Variants in KCNIP4 observed in about 807,000 individuals in gnomAD.
KCNIP4 encodes Kv channel-interacting protein 4.
KCNIP4 carries 12 observed loss-of-function variants against 34.0 expected under a neutral mutation model. The ratio of observed to expected loss-of-function variants is 0.35; its 90% CI spans 0.23 to 0.57. The LOEUF (loss-of-function observed/expected upper bound fraction) is 0.57, where lower values mean the gene tolerates loss of function less well. Ranked by LOEUF, KCNIP4 falls within the 20% of genes least tolerant of loss-of-function variation. The pLI is 0.83. For missense variants in KCNIP4, 238 were observed against 311.7 expected (o/e 0.76, Z 1.78); for synonymous variants, 124 against 102.2 (o/e 1.21, Z -1.29).
Position 21,371,940 on chromosome 4 carries a change from T to TACAC in KCNIP4, c.62-489235_62-489232dup, listed in dbSNP as rs572255029. 3.4e-5 allele frequency among the ~76,000 whole-genome samples: 5 copies of TACAC among 145,664 alleles called. 1 individual carries two copies. In the Middle Eastern group the frequency reaches 0.01, roughly 297 times the overall value. On this transcript the variant is annotated intron_variant, in intron 1 of 8. Coordinates refer to ENST00000382152, the MANE Select transcript of KCNIP4 (RefSeq NM_025221.6). ...GGAAATAGGATATTTATGAGTAGCTTACACACACACACACACAAACACATA... is the reference window on the plus strand; with the variant it reads ...GGAAATAGGATATTTATGAGTAGCTTACACACACACACACACACACAAACACATA...
At chr4:21,729,707 AAATTTT>A (rs1560671159) in intron 1 of KCNIP4, 1 of 151,730 alleles carries the variant, frequency 6.6e-6, no homozygotes, top group Non-Finnish European at 1.5e-5. Flanking sequence ...AGAACTCTGC[AAATTTT>A]AATTTTAATC....
At chr4:20,772,624 C>A (rs1399134235) in intron 3 of KCNIP4, among the ~76,000 whole-genome samples, 1 of 124,916 alleles carries the variant, frequency 8.0e-6, no homozygotes, top group Non-Finnish European at 1.8e-5. Context: ...ACATTTTGTT[C>A]CCTTTCTCTC....
At chr4:21,809,118 T>G (rs971629441) in intron 1 of KCNIP4, among the ~76,000 whole-genome samples, 22 of 148,354 alleles carry the variant, frequency 1.5e-4, no homozygotes, top group Admixed American at 1.4e-3. Context: ...TCTGTGAGGG[T>G]GTTTCCAGAA....
Position 20,744,217 on chromosome 4 carries a change from T to C in KCNIP4, c.429+5445A>G, listed in dbSNP as rs184209443. 2.3e-3 allele frequency among the ~76,000 whole-genome samples: 354 copies of C among 152,318 alleles called. 8 individuals carry two copies. The South Asian group carries it at 0.046, about 20-fold the overall frequency. ...GAAGACTGGTGACTCCTCAAGGAGC[T>C]AGAACTAGAAATACCATTTGACCCA... On this transcript the variant is annotated intron_variant, in intron 5 of 8. Transcript: ENST00000382152.
chr4:20,794,289 G>A (rs956074257), intron 3 of KCNIP4, among the ~76,000 whole-genome samples: 1 of 152,156 alleles, frequency 6.6e-6, no homozygotes, highest in African/African-American at 2.4e-5. Flanking sequence ...TTTGATAGGA[G>A]TCGGAGCTCA....
intron 1 of KCNIP4, among the ~76,000 whole-genome samples, chr4:21,820,215 G>A (rs1279936923): frequency 6.8e-6 from 1 of 146,176 alleles, no homozygotes; most frequent in African/African-American, 2.6e-5. Context: ...ACAATATACA[G>A]TATAATAAAT....
rs745606521 is a variant in KCNIP4 at position 21,332,877 on chromosome 4, A to G, written c.62-450168T>C. Among the ~76,000 whole-genome samples, 155 of 152,172 alleles carry G rather than the reference A, an allele frequency of 1.0e-3. 2 individuals carry two copies. The highest frequency in any genetic ancestry group is 1.9e-4 in the Non-Finnish European group (13 of 67,946). On this transcript the variant is annotated intron_variant, in intron 1 of 8. Transcript: ENST00000382152. The stretch of plus-strand genomic sequence containing the variant: ...CAATTTTATTTAGAATAAAATTTCA[A>G]ATTCTTTTTATGGTTTATCAAGTAT...
At chr4:20,970,327 T>A (rs1560610846) in intron 1 of KCNIP4, among the ~76,000 whole-genome samples, 1 of 152,198 alleles carries the variant, frequency 6.6e-6, no homozygotes, top group Non-Finnish European at 1.5e-5. Context: ...AATGATTGTT[T>A]ATTACCTTTG....
chr4:21,928,410 A>G (rs1372435364), intron 1 of KCNIP4, among the ~76,000 whole-genome samples: 1 of 152,170 alleles, frequency 6.6e-6, no homozygotes, highest in Non-Finnish European at 1.5e-5. Context: ...CATACCCAGC[A>G]TATCTTTAAT....
chr4:21,337,865 T>C (rs1437666532), intron 1 of KCNIP4, among the ~76,000 whole-genome samples: 1 of 152,150 alleles, frequency 6.6e-6, no homozygotes, highest in Non-Finnish European at 1.5e-5. Flanking sequence ...AGCATTAGGA[T>C]TGCGTTTGGC....
At chr4:21,292,290 C>T (rs1374496123) in intron 1 of KCNIP4, among the ~76,000 whole-genome samples, 3 of 152,128 alleles carry the variant, frequency 2.0e-5, no homozygotes, top group Admixed American at 1.3e-4. Context: ...CCATACCCTT[C>T]CTACCTTGTT....
intron 5 of KCNIP4, among the ~76,000 whole-genome samples, chr4:20,739,152 T>G (rs1750437836): frequency 6.6e-6 from 1 of 152,180 alleles, no homozygotes; most frequent in African/African-American, 2.4e-5. Flanking sequence ...ATGCCACCTC[T>G]GGGGGCAGGT....
At chr4:21,605,185 G>A (rs1232047240) in intron 1 of KCNIP4, among the ~76,000 whole-genome samples, 2 of 152,186 alleles carry the variant, frequency 1.3e-5, no homozygotes, top group African/African-American at 2.4e-5. Context: ...TGTTCCAAGG[G>A]ACAATGCCAT....
chr4:21,324,380 A>G (rs80030494), intron 1 of KCNIP4, among the ~76,000 whole-genome samples: 2,194 of 152,062 alleles, frequency 0.014, 53 homozygotes, highest in African/African-American at 0.051. Flanking sequence ...CAAAGTTTGA[A>G]GTCTCAGATT....
intron 1 of KCNIP4, among the ~76,000 whole-genome samples, chr4:21,776,163 C>A (rs773861994): frequency 1.3e-5 from 2 of 152,214 alleles, no homozygotes; most frequent in African/African-American, 2.4e-5. Context: ...CACTCACCAC[C>A]TCCCTTGGCT....
chr4:20,782,270 T>C (rs1269177946), intron 3 of KCNIP4, among the ~76,000 whole-genome samples: 1 of 151,998 alleles, frequency 6.6e-6, no homozygotes, highest in Non-Finnish European at 1.5e-5. Flanking sequence ...TGTAGGTGGA[T>C]CTACCTACAG....
intron 1 of KCNIP4, among the ~76,000 whole-genome samples, chr4:21,080,955 C>A (rs2109020285): frequency 6.6e-6 from 1 of 151,928 alleles, no homozygotes; most frequent in African/African-American, 2.4e-5. Context: ...ATATCCTCCA[C>A]AAGTATGTAG....
intron 1 of KCNIP4, among the ~76,000 whole-genome samples, chr4:21,929,683 G>T (rs1199853880): frequency 2.6e-5 from 4 of 152,004 alleles, no homozygotes; most frequent in African/African-American, 4.8e-5. Flanking sequence ...CTTCTTAAAA[G>T]AATTGTCTAC....
chr4:21,015,967 G>A (rs1017555687), intron 1 of KCNIP4, among the ~76,000 whole-genome samples: 7 of 141,752 alleles, frequency 4.9e-5, no homozygotes, highest in Non-Finnish European at 6.1e-5. Context: ...GAAAGCTTAC[G>A]GCATGTCAGG....
Sources: allele counts gnomAD v4.1 joint callset (sites outside exome capture counted in the v4.1 genomes callset), GRCh38; gene constraint gnomAD v4.1.1; transcripts MANE v1.5; gene names NCBI Gene and HGNC (gene_info 2026-07-23, HGNC 2026-07-21).